The following IZUMO4 variants were observed in gnomAD, a reference collection of about 807,000 sequenced individuals.
IZUMO4 encodes IZUMO family member 4, also known as izumo sperm-egg fusion protein 4.
IZUMO4 carries 51 observed loss-of-function variants against 37.1 expected under a neutral mutation model. That is an observed-to-expected ratio of 1.38 (90% CI 1.10 to 1.74). The LOEUF is 1.74. IZUMO4 is among the 40% of genes most tolerant of loss of function. The pLI is 0.00. For missense variants in IZUMO4, 364 were observed against 299.6 expected (o/e 1.21, Z -1.59); for synonymous variants, 162 against 121.4 (o/e 1.33, Z -2.20).
Position 2,099,117 on chromosome 19 carries a change from T to C in IZUMO4, c.608+88T>C. ...CCGCGGCCTGCACACCCTGCTGACA[T>C]CCCAGGCACGAGGGTGTCGTGGATG... On this transcript the variant is annotated intron_variant, in intron 9 of 9. Coordinates refer to ENST00000395301, the MANE Select transcript of IZUMO4 (RefSeq NM_001039846.2). 4 of 1,399,064 alleles carry C rather than the reference T, an allele frequency of 2.9e-6. No individual in the cohort carries two copies. In the South Asian group the frequency reaches 4.6e-5, roughly 16 times the overall value. The allele number at this position is 1,399,064 out of a possible 1,614,324, so 86.7% of individuals were successfully genotyped here. A position where few individuals can be genotyped will look rare whatever the true frequency, so the allele number is the denominator to read the frequency against.
intron 8 of IZUMO4, 66 bp downstream of exon 8, chr19:2,098,870 G>A (rs1219882162): frequency 3.9e-5 from 60 of 1,552,010 alleles, no homozygotes; most frequent in Middle Eastern, 1.7e-4. Context: ...GGGCTAGGGG[G>A]TCCTCTAGAT....
chr19:2,097,864 GGGA>G, intron 3 of IZUMO4, 62 bp from the exon 4 acceptor site: 5 of 1,596,190 alleles, frequency 3.1e-6, no homozygotes, highest in Non-Finnish European at 4.3e-6. Context: ...TTGGAGGGTT[GGGA>G]GGAGGCAGGA....
At position 2,096,941 on chromosome 19, in the gene IZUMO4, C is replaced by T. The variant is rs757888326; in HGVS notation, c.-5C>T. 1.7e-5 allele frequency: 27 copies of T among 1,600,392 alleles called. 1 individual carries two copies. The South Asian group carries it at 2.5e-4, about 15-fold the overall frequency. ...TTGGTTGGCCGGCGGCGGGCCGGGA[C>T]GGGCATGGCCCTGCTGCTGTGCCTG... On this transcript the variant is annotated 5_prime_UTR_variant, in exon 1 of 10. In the 5' UTR this introduces an upstream ATG that the reference lacks. Coordinates refer to ENST00000395301, the MANE Select transcript of IZUMO4 (RefSeq NM_001039846.2).
chr19:2,097,591 T>A, intron 3 of IZUMO4, 96 bp downstream of exon 3: 1 of 1,109,930 alleles, frequency 9.0e-7, no homozygotes, highest in Non-Finnish European at 1.4e-6. Flanking sequence ...ACAGGGCACC[T>A]GGCACCAGGC....
intron 1 of IZUMO4, 28 bp downstream of exon 1, chr19:2,097,190 G>A: frequency 6.2e-7 from 1 of 1,605,848 alleles, no homozygotes; most frequent in Non-Finnish European, 8.5e-7. Flanking sequence ...GCCCAGTCCC[G>A]ACTACCCCGC....
rs116088503 is a variant in IZUMO4 at position 2,097,985 on chromosome 19, C to T, written c.397+30C>T. ...GCAAGGCTCCGTCCAGGCTGAGGGGCGTGCCGGTGGCAGCTCGGGGCCCTG... is the reference window on the plus strand; with the variant it reads ...GCAAGGCTCCGTCCAGGCTGAGGGGTGTGCCGGTGGCAGCTCGGGGCCCTG... On this transcript the variant is annotated intron_variant, in intron 4 of 9. Coordinates refer to ENST00000395301, the MANE Select transcript of IZUMO4 (RefSeq NM_001039846.2). 2,176 of 1,613,124 alleles carry T rather than the reference C, an allele frequency of 1.3e-3. 5 individuals carry two copies. The highest frequency in any genetic ancestry group is 1.5e-3 in the Non-Finnish European group (1,796 of 1,179,852).
intron 3 of IZUMO4, 149 bp downstream of exon 3, chr19:2,097,644 G>T: frequency 1.3e-6 from 1 of 790,954 alleles, no homozygotes; most frequent in Non-Finnish European, 2.2e-6. Context: ...ACCCAGCCTA[G>T]CACCTGAAGG....
At chr19:2,097,205 G>A in intron 1 of IZUMO4, 43 bp downstream of exon 1, 2 of 1,606,740 alleles carry the variant, frequency 1.2e-6, no homozygotes, top group Non-Finnish European at 8.5e-7. Context: ...CCCCGCCAGC[G>A]AGACCCCGGG....
Position 2,098,960 on chromosome 19 carries a change from G to T in IZUMO4, c.555-16G>T, listed in dbSNP as rs763950131. ...TCACCTCTGCAACCACACCCATGTG[G>T]TGGTTTCATGAACAGACCACGCTCC... is the stretch of plus-strand genomic sequence containing the variant. On this transcript the variant is annotated splice_polypyrimidine_tract_variant and intron_variant, in intron 8 of 9. Coordinates refer to ENST00000395301, the MANE Select transcript of IZUMO4 (RefSeq NM_001039846.2). The T allele has an allele frequency of 6.2e-7, 1 of 1,612,972 alleles. No individual in the cohort carries two copies. Among genetic ancestry groups the T allele is most frequent in the South Asian group, 1.1e-5 (1 of 91,080 alleles).
At position 2,096,956 on chromosome 19, in the gene IZUMO4, T is replaced by C; in HGVS notation, c.11T>C (p.Leu4Pro). Reference sequence around the variant, plus strand: ...CGGGCCGGGACGGGCATGGCCCTGCTGCTGTGCCTGGTGTGCCTGACGGCG... The same window carrying C: ...CGGGCCGGGACGGGCATGGCCCTGCCGCTGTGCCTGGTGTGCCTGACGGCG... Reference protein sequence around the residue: MALLLCLVCLTAAL... With the variant: MALPLCLVCLTAAL... The change falls in exon 1 of 10, where the codon CTG (leucine) becomes CCG (proline). Residue 4 changes from leucine to proline, a missense_variant. Leu to Pro is a moderately conservative substitution (Grantham distance 98). Transcript: ENST00000395301. The C allele has an allele frequency of 3.1e-6, 5 of 1,606,108 alleles. No homozygotes were observed. The highest frequency in any genetic ancestry group is 4.2e-6 in the Non-Finnish European group (5 of 1,179,372).
Position 2,099,379 on chromosome 19 carries a change from G to T in IZUMO4, c.*34G>T, listed in dbSNP as rs548951702. ...GGGCCTGCCCCAGGGCAACGTGGGGGCGGAGACTCAGCTGGACAGCCCCTG... is the reference window on the plus strand; with the variant it reads ...GGGCCTGCCCCAGGGCAACGTGGGGTCGGAGACTCAGCTGGACAGCCCCTG... On this transcript the variant is annotated 3_prime_UTR_variant, in exon 10 of 10. Coordinates refer to ENST00000395301, the MANE Select transcript of IZUMO4 (RefSeq NM_001039846.2). 1.6e-5 allele frequency: 24 copies of T among 1,480,474 alleles called. No homozygotes were observed. In the African/African-American group the frequency reaches 2.2e-4, roughly 14 times the overall value. 91.7% of individuals were successfully genotyped at this position (1,480,474 alleles called of 1,614,324 possible). A position where few individuals can be genotyped will look rare whatever the true frequency, so the allele number is the denominator to read the frequency against.
chr19:2,099,506 G>C lies in IZUMO4; in HGVS notation c.*161G>C, dbSNP rs1031386869. On this transcript the variant is annotated 3_prime_UTR_variant, in exon 10 of 10. Coordinates refer to ENST00000395301, the MANE Select transcript of IZUMO4 (RefSeq NM_001039846.2). The stretch of plus-strand genomic sequence containing the variant: ...CCAGGAGGGCGGGAGGGAGGGAATG[G>C]GGGTGGGCTGTGCGCAGCATCAGCG... 2.8e-5 allele frequency: 17 copies of C among 603,854 alleles called. No individual in the cohort carries two copies. The African/African-American group carries it at 2.9e-4, about 10-fold the overall frequency. The allele number at this position is 603,854 out of a possible 1,614,324, so 37.4% of individuals were successfully genotyped here. A position where few individuals can be genotyped will look rare whatever the true frequency, so the allele number is the denominator to read the frequency against.
At chr19:2,097,662 C>A in intron 3 of IZUMO4, 167 bp downstream of exon 3, 1 of 742,018 alleles carries the variant, frequency 1.3e-6, no homozygotes, top group South Asian at 1.6e-5. Flanking sequence ...AGGATCAATG[C>A]CATCACCCCG....
At chr19:2,097,627 G>T in intron 3 of IZUMO4, 132 bp downstream of exon 3, 1 of 865,876 alleles carries the variant, frequency 1.2e-6, no homozygotes. Context: ...CAGCTCTCCA[G>T]GGAGGGACCC....
In IZUMO4 at chr19:2,096,994, G is replaced by A; in HGVS notation, c.49G>A (p.Gly17Ser). ...LVCLTAALAH[G>S]CLHCHSNFSK... ...GTGCCTGACGGCGGCGCTGGCCCAC[G>A]GCTGTCTGCACTGCCACAGCAACTT... Residue 17 changes from glycine (G) to serine (S), a missense_variant, in exon 1 of 10, where the codon GGC becomes AGC. Coordinates refer to ENST00000395301, the MANE Select transcript of IZUMO4 (RefSeq NM_001039846.2). 5 of 1,610,244 alleles carry A rather than the reference G, an allele frequency of 3.1e-6. No homozygotes were observed. Among genetic ancestry groups the A allele is most frequent in the South Asian group, 1.1e-5 (1 of 91,078 alleles).
rs1328276717 is a variant in IZUMO4 at position 2,099,323 on chromosome 19, CTGAG to C, written c.680_683del (p.Glu227ValfsTer47). The C allele has an allele frequency of 3.1e-6, 5 of 1,613,076 alleles. No individual in the cohort carries two copies. Among genetic ancestry groups the C allele is most frequent in the African/African-American group, 2.7e-5 (2 of 74,916 alleles). ...GCCAACCTGACCTTGGAAGATGCTG[CTGAG>C]TGTCTCAAGCAGCACTGACAGCAGC... is the stretch of plus-strand genomic sequence containing the variant. On this transcript the variant is annotated frameshift_variant, in exon 10 of 10. Transcript: ENST00000395301. LOFTEE classifies it high-confidence loss of function.
chr19:2,099,085 C>A, intron 9 of IZUMO4, 56 bp downstream of exon 9: 1 of 1,533,668 alleles, frequency 6.5e-7, no homozygotes, highest in Non-Finnish European at 9.0e-7. Context: ...AAGCCAACAC[C>A]AGCGTGCCGC....
chr19:2,099,284 A>G lies in IZUMO4; in HGVS notation c.638A>G (p.Glu213Gly). The change falls in exon 10 of 10, where the codon GAG (glutamate) becomes GGG (glycine). Residue 213 changes from glutamate to glycine, a missense_variant. Transcript: ENST00000395301. ...GTATCGCCAGCCTTAAGGTGTCTGG[A>G]GCCCCCACACTTGGCCAACCTGACC... The part of the protein sequence containing the change: ...FLVSPALRCL[E>G]PPHLANLTLE... 1.9e-6 allele frequency: 3 copies of G among 1,612,906 alleles called. No homozygotes were observed. Among genetic ancestry groups the G allele is most frequent in the Non-Finnish European group, 2.5e-6 (3 of 1,179,844 alleles).
intron 7 of IZUMO4, 54 bp from the exon 8 acceptor site, chr19:2,098,733 A>G (rs1198178686): frequency 1.2e-6 from 2 of 1,601,574 alleles, no homozygotes; most frequent in Middle Eastern, 1.7e-4. Flanking sequence ...AGGGTTCCCT[A>G]CGATGGTTAG....
Sources: allele counts gnomAD v4.1 joint callset, GRCh38; gene constraint gnomAD v4.1.1; transcripts MANE v1.5; gene names NCBI Gene and HGNC (gene_info 2026-07-23, HGNC 2026-07-21).